Variants in STAU2 observed in about 807,000 individuals in gnomAD.
STAU2 encodes double-stranded RNA-binding protein Staufen homolog 2.
STAU2 carries 20 observed loss-of-function variants against 65.9 expected under a neutral mutation model. That is an observed-to-expected ratio of 0.30 (90% CI 0.21 to 0.44). The LOEUF (loss-of-function observed/expected upper bound fraction) is 0.44. Among genes scored for constraint, STAU2 ranks in the 20% least tolerant of loss-of-function variants. The probability of loss-of-function intolerance (pLI) is 1.00; values close to 1 mark genes in which losing one functional copy is unlikely to be tolerated. For synonymous variants in STAU2, 232 were observed against 233.9 expected (o/e 0.99, Z 0.07); for missense variants, 558 against 683.9 (o/e 0.82, Z 2.05).
chr8:73,688,495 TG>T (rs2130524065), intron 5 of STAU2, among the ~76,000 whole-genome samples, 158 bp downstream of exon 5: 1 of 89,100 alleles, frequency 1.1e-5, no homozygotes, highest in South Asian at 4.2e-4. Flanking sequence ...CTACCGTGTG[TG>T]TGTGTGTGTG....
At chr8:73,661,207 A>C (rs571763363) in intron 6 of STAU2, among the ~76,000 whole-genome samples, 1 of 152,338 alleles carries the variant, frequency 6.6e-6, no homozygotes, top group Non-Finnish European at 1.5e-5. Flanking sequence ...AAACAAGCTA[A>C]AATGCAATAA....
chr8:73,500,353 G>A (rs1400747425), intron 13 of STAU2, among the ~76,000 whole-genome samples: 3 of 151,764 alleles, frequency 2.0e-5, no homozygotes, highest in East Asian at 1.9e-4. Flanking sequence ...ATACTACTTG[G>A]CACATGGCAA....
intron 11 of STAU2, among the ~76,000 whole-genome samples, chr8:73,590,076 AGGAGAAGGAAGTAGGG>A (rs1481711363): frequency 2.6e-5 from 4 of 151,370 alleles, no homozygotes; most frequent in African/African-American, 7.3e-5. Context: ...TAGAAGAAAG[AGGAGAAGGAAGTAGGG>A]GGAGAAGGAA....
intron 6 of STAU2, among the ~76,000 whole-genome samples, chr8:73,658,158 G>T (rs1457594636): frequency 6.6e-6 from 1 of 152,044 alleles, no homozygotes; most frequent in Admixed American, 6.6e-5. Context: ...GAGGTCAGGA[G>T]TTCAAGACCA....
intron 6 of STAU2, among the ~76,000 whole-genome samples, chr8:73,639,425 G>A (rs955369182): frequency 5.3e-5 from 8 of 152,118 alleles, no homozygotes; most frequent in Admixed American, 6.5e-5. Context: ...AAACATCTGG[G>A]AGATGAATGA....
chr8:73,526,814 GTTTA>G (rs1051759358), intron 13 of STAU2, among the ~76,000 whole-genome samples: 12 of 152,072 alleles, frequency 7.9e-5, no homozygotes, highest in African/African-American at 2.9e-4. Context: ...AAAGGAATTT[GTTTA>G]TTAAGAAACA....
chr8:73,646,912 G>C (rs540995826), intron 6 of STAU2, among the ~76,000 whole-genome samples: 2 of 147,228 alleles, frequency 1.4e-5, no homozygotes, highest in South Asian at 4.3e-4. Flanking sequence ...ATAAGACAGA[G>C]ATATTTCACC....
intron 10 of STAU2, among the ~76,000 whole-genome samples, chr8:73,602,586 G>A (rs902734370): frequency 2.0e-5 from 3 of 151,968 alleles, no homozygotes; most frequent in African/African-American, 4.8e-5. Flanking sequence ...GCTGGCCATG[G>A]TAGTGTATGC....
intron 4 of STAU2, among the ~76,000 whole-genome samples, chr8:73,706,967 A>G (rs1820548186): frequency 6.6e-6 from 1 of 152,254 alleles, no homozygotes; most frequent in South Asian, 2.1e-4. Flanking sequence ...AGTCCTCCAG[A>G]AACTTCCCAG....
intron 13 of STAU2, among the ~76,000 whole-genome samples, chr8:73,526,083 T>C (rs1397118249): frequency 6.6e-6 from 1 of 152,228 alleles, no homozygotes; most frequent in East Asian, 1.9e-4. Flanking sequence ...CTAAGCTGCT[T>C]TCCATATTAA....
At chr8:73,573,835 T>C (rs1002995428) in intron 12 of STAU2, among the ~76,000 whole-genome samples, 1 of 152,156 alleles carries the variant, frequency 6.6e-6, no homozygotes, top group African/African-American at 2.4e-5. Context: ...ATTCAGGACA[T>C]AGGCATGGGC....
chr8:73,516,205 G>T (rs1242918948), intron 13 of STAU2, among the ~76,000 whole-genome samples: 2 of 152,022 alleles, frequency 1.3e-5, no homozygotes, highest in African/African-American at 4.8e-5. Flanking sequence ...CTCCCAAAGT[G>T]CTGGGATTAC....
intron 6 of STAU2, among the ~76,000 whole-genome samples, chr8:73,630,445 G>C (rs1402595634): frequency 6.6e-6 from 1 of 152,242 alleles, no homozygotes; most frequent in African/African-American, 2.4e-5. Context: ...GTAATACTTA[G>C]AGCTTTGAAA....
intron 6 of STAU2, among the ~76,000 whole-genome samples, chr8:73,643,635 A>G (rs536020025): frequency 9.2e-5 from 14 of 152,306 alleles, no homozygotes; most frequent in African/African-American, 3.1e-4. Context: ...TCAACATACC[A>G]TATACCTGTA....
At chr8:73,579,711 T>C (rs2128961194) in intron 12 of STAU2, among the ~76,000 whole-genome samples, 1 of 152,332 alleles carries the variant, frequency 6.6e-6, no homozygotes, top group East Asian at 1.9e-4. Context: ...AACATAACTA[T>C]TACAGTGATT....
At chr8:73,683,070 T>A (rs1209207828) in intron 5 of STAU2, among the ~76,000 whole-genome samples, 1 of 152,042 alleles carries the variant, frequency 6.6e-6, no homozygotes, top group Non-Finnish European at 1.5e-5. Flanking sequence ...TTGGCACTAT[T>A]CCAAAAGACA....
intron 13 of STAU2, among the ~76,000 whole-genome samples, chr8:73,540,193 A>C (rs890245989): frequency 2.0e-5 from 3 of 152,230 alleles, no homozygotes; most frequent in Admixed American, 6.5e-5. Flanking sequence ...GAATAAGATC[A>C]TTCTGAATTT....
chr8:73,747,091 C>G (rs1298421291), upstream of STAU2, among the ~76,000 whole-genome samples: 4 of 151,736 alleles, frequency 2.6e-5, no homozygotes, highest in Admixed American at 2.6e-4. Flanking sequence ...AGCTCCCGCC[C>G]CCTGGCGGCT....
At chr8:73,620,281 G>A (rs1813132379) in intron 6 of STAU2, among the ~76,000 whole-genome samples, 1 of 152,088 alleles carries the variant, frequency 6.6e-6, no homozygotes, top group East Asian at 1.9e-4. Context: ...CCTGAAGTGA[G>A]ATCTCATATG....
Sources: allele counts gnomAD v4.1 joint callset (sites outside exome capture counted in the v4.1 genomes callset), GRCh38; gene constraint gnomAD v4.1.1; transcripts MANE v1.5; gene names NCBI Gene and HGNC (gene_info 2026-07-23, HGNC 2026-07-21).